Variants in CNTN6 observed in about 807,000 individuals in gnomAD.
The protein encoded by CNTN6 is contactin 6.
In CNTN6, 137 loss-of-function variants were observed where a neutral mutation model predicts 122.8. The observed-to-expected ratio is 1.12, with a 90% CI of 0.97 to 1.29. The LOEUF is 1.29. Among genes scored for constraint, CNTN6 ranks in the 50% most tolerant of loss-of-function variants. The pLI, the probability that CNTN6 is intolerant of heterozygous loss-of-function variation, is 0.00. For missense variants in CNTN6, 1,634 were observed against 1,223.4 expected (o/e 1.34, Z -5.01); for synonymous variants, 570 against 426.0 (o/e 1.34, Z -4.16).
intron 2 of CNTN6, among the ~76,000 whole-genome samples, chr3:1,193,269 C>G (rs1276404607): frequency 6.6e-6 from 1 of 152,128 alleles, no homozygotes; most frequent in Non-Finnish European, 1.5e-5. Context: ...ACTCAGCATG[C>G]ATACAGTAAC....
chr3:1,165,620 C>T (rs1180705435), intron 2 of CNTN6, among the ~76,000 whole-genome samples: 1 of 152,168 alleles, frequency 6.6e-6, no homozygotes, highest in East Asian at 1.9e-4. Flanking sequence ...ATAATAATCA[C>T]AACAGCTACC....
Position 1,373,938 on chromosome 3 carries a change from A to T in CNTN6, c.1960A>T (p.Asn654Tyr). The T allele has an allele frequency of 6.2e-7, 1 of 1,609,198 alleles. No individual in the cohort carries two copies. Among genetic ancestry groups the T allele is most frequent in the Non-Finnish European group, 8.5e-7 (1 of 1,177,096 alleles). The change falls in exon 16 of 23, where the codon AAT (asparagine) becomes TAT (tyrosine). Residue 654 changes from asparagine to tyrosine, a missense_variant. Transcript: ENST00000446702. ...QAVATVPEILNGKTYNATVVG... is the reference protein window; with the variant it reads ...QAVATVPEILYGKTYNATVVG... ...ATTCTTTTTAGTTCCAGAAATTCTC[A>T]ATGGTAAGACATACAATGCAACAGT...
intron 20 of CNTN6, among the ~76,000 whole-genome samples, chr3:1,387,871 C>T (rs1025550119): frequency 7.9e-5 from 12 of 152,172 alleles, no homozygotes; most frequent in Non-Finnish European, 1.6e-4. Context: ...AAAAACGGCG[C>T]ACCACGAGAT....
At chr3:1,224,885 A>G (rs930562994) in intron 3 of CNTN6, among the ~76,000 whole-genome samples, 1 of 152,128 alleles carries the variant, frequency 6.6e-6, no homozygotes, top group African/African-American at 2.4e-5. Flanking sequence ...AGCTGGGATT[A>G]CAGGCGTGTG....
At chr3:1,222,976 C>A (rs1414050890) in intron 3 of CNTN6, among the ~76,000 whole-genome samples, 1 of 152,162 alleles carries the variant, frequency 6.6e-6, no homozygotes, top group Non-Finnish European at 1.5e-5. Context: ...TCAGGCCCAA[C>A]TTTATTGATA....
intron 7 of CNTN6, among the ~76,000 whole-genome samples, chr3:1,315,765 A>T (rs975224277): frequency 2.0e-5 from 3 of 151,920 alleles, no homozygotes; most frequent in South Asian, 2.1e-4. Context: ...CACCTGAAAG[A>T]TTCCTGCCCT....
intron 7 of CNTN6, among the ~76,000 whole-genome samples, chr3:1,305,562 C>A (rs1272165545): frequency 6.6e-6 from 1 of 152,044 alleles, no homozygotes; most frequent in Non-Finnish European, 1.5e-5. Context: ...TAGATATGTA[C>A]GTCTCCTTTG....
intron 4 of CNTN6, among the ~76,000 whole-genome samples, chr3:1,259,529 G>A (rs1559635732): frequency 1.3e-5 from 2 of 151,906 alleles, no homozygotes; most frequent in Non-Finnish European, 2.9e-5. Context: ...TTTCTATTTT[G>A]GGAAGATTAA....
chr3:1,262,950 A>G (rs1302511743), intron 4 of CNTN6, among the ~76,000 whole-genome samples: 2 of 152,138 alleles, frequency 1.3e-5, no homozygotes, highest in Non-Finnish European at 2.9e-5. Flanking sequence ...AATAAATGTA[A>G]TAATTAAATC....
At chr3:1,302,729 G>A (rs766027295) in intron 7 of CNTN6, among the ~76,000 whole-genome samples, 2 of 152,046 alleles carry the variant, frequency 1.3e-5, no homozygotes, top group African/African-American at 2.4e-5. Flanking sequence ...TCTTGAGGTT[G>A]TAGATTATTT....
At chr3:1,190,780 A>T (rs1395350156) in intron 2 of CNTN6, among the ~76,000 whole-genome samples, 5 of 152,050 alleles carry the variant, frequency 3.3e-5, no homozygotes, top group African/African-American at 9.7e-5. Flanking sequence ...GTTCTTTTTG[A>T]CGCGTGACTC....
chr3:1,114,557 G>T (rs975315158), intron 1 of CNTN6, among the ~76,000 whole-genome samples: 4 of 152,108 alleles, frequency 2.6e-5, no homozygotes, highest in African/African-American at 9.7e-5. Context: ...GGGATCACAG[G>T]TCAATAGGAA....
chr3:1,093,327 T>C (rs1226909401), intron 1 of CNTN6, among the ~76,000 whole-genome samples: 6 of 152,166 alleles, frequency 3.9e-5, no homozygotes, highest in Admixed American at 6.5e-5. Context: ...GAGAAATGTA[T>C]TGAATCTGTA....
intron 2 of CNTN6, among the ~76,000 whole-genome samples, chr3:1,190,402 C>T (rs1276202572): frequency 6.6e-6 from 1 of 152,184 alleles, no homozygotes; most frequent in Non-Finnish European, 1.5e-5. Flanking sequence ...CACAATGTCT[C>T]TTCTCCTATT....
chr3:1,335,656 G>A (rs188696788), intron 11 of CNTN6, among the ~76,000 whole-genome samples: 73 of 152,178 alleles, frequency 4.8e-4, no homozygotes, highest in South Asian at 3.5e-3. Flanking sequence ...TGGTCATAGC[G>A]GACATACAAG....
At chr3:1,323,144 G>T (rs906646141) in intron 8 of CNTN6, among the ~76,000 whole-genome samples, 1 of 151,768 alleles carries the variant, frequency 6.6e-6, no homozygotes, top group East Asian at 1.9e-4. Flanking sequence ...AGCTTACATA[G>T]CAATTTTACA....
chr3:1,204,337 T>A (rs995278559), intron 2 of CNTN6, among the ~76,000 whole-genome samples: 3 of 152,190 alleles, frequency 2.0e-5, no homozygotes, highest in Non-Finnish European at 4.4e-5. Flanking sequence ...AGTAGGCTGT[T>A]ATTTTTCAAA....
At chr3:1,393,600 C>G (rs1203367763) in intron 20 of CNTN6, among the ~76,000 whole-genome samples, 1 of 146,154 alleles carries the variant, frequency 6.8e-6, no homozygotes, top group Non-Finnish European at 1.5e-5. Context: ...AATTCAGTTT[C>G]TATCTCAAGC....
At chr3:1,349,231 T>C (rs1705236887) in intron 11 of CNTN6, among the ~76,000 whole-genome samples, 2 of 151,900 alleles carry the variant, frequency 1.3e-5, no homozygotes, top group Non-Finnish European at 2.9e-5. Flanking sequence ...TAAATCCTCA[T>C]ATAATAATAT....
Sources: allele counts gnomAD v4.1 joint callset (sites outside exome capture counted in the v4.1 genomes callset), GRCh38; gene constraint gnomAD v4.1.1; transcripts MANE v1.5; gene names NCBI Gene and HGNC (gene_info 2026-07-23, HGNC 2026-07-21).